The following ANKHD1 variants were observed in gnomAD, a reference collection of about 807,000 sequenced individuals.
The protein encoded by ANKHD1 is ankyrin repeat and KH domain-containing protein 1.
Under a neutral mutation model 230.5 loss-of-function variants are expected in ANKHD1, and 31 were observed. The observed-to-expected ratio is 0.13, with a 90% CI of 0.10 to 0.18. The LOEUF is 0.18. ANKHD1 is among the 10% of genes least tolerant of loss of function. The pLI, the probability that ANKHD1 is intolerant of heterozygous loss-of-function variation, is 1.00. For missense variants in ANKHD1, 2,256 were observed against 3,071.3 expected (o/e 0.73, Z 6.27); for synonymous variants, 1,074 against 1,117.6 (o/e 0.96, Z 0.78).
At chr5:140,470,795 A>G (rs1397772298) in intron 10 of ANKHD1, among the ~76,000 whole-genome samples, 1 of 150,786 alleles carries the variant, frequency 6.6e-6, no homozygotes, top group Admixed American at 6.6e-5. Context: ...CTAATTTTTT[A>G]TTTTTATTTT....
chr5:140,507,173 T>C lies in ANKHD1; in HGVS notation c.3551+196T>C, dbSNP rs1204767431. Among the ~76,000 whole-genome samples, 1 of 152,136 alleles carries C rather than the reference T, an allele frequency of 6.6e-6. No homozygotes were observed. The highest frequency in any genetic ancestry group is 2.4e-5 in the African/African-American group (1 of 41,424). On this transcript the variant is annotated intron_variant, in intron 19 of 33. Coordinates refer to ENST00000360839, the MANE Select transcript of ANKHD1 (RefSeq NM_017747.3). This position sits in a 1 kb window ranked among gnomAD's most constrained non-coding sequence, Gnocchi z 4.1. ...AGTAATGTGGCTGCTTATAAAGAGG[T>C]CTCATTTCAAAAAGTGTTTTGTTCT...
intron 9 of ANKHD1, among the ~76,000 whole-genome samples, chr5:140,462,598 G>A (rs563793587): frequency 8.8e-4 from 134 of 151,722 alleles, no homozygotes; most frequent in African/African-American, 3.0e-3. Context: ...GGTGGTGGAC[G>A]CCTATAGTCC....
At chr5:140,452,826 G>C (rs1774856943) in intron 7 of ANKHD1, among the ~76,000 whole-genome samples, 1 of 152,190 alleles carries the variant, frequency 6.6e-6, no homozygotes. Flanking sequence ...CCCCTCCAAA[G>C]GAACGCAGCT....
At chr5:140,448,474 A>G (rs2126939085) in intron 6 of ANKHD1, among the ~76,000 whole-genome samples, 1 of 152,232 alleles carries the variant, frequency 6.6e-6, no homozygotes, top group Admixed American at 6.5e-5. Context: ...GCCTTCTAGA[A>G]AGGTTCAACC....
intron 10 of ANKHD1, among the ~76,000 whole-genome samples, chr5:140,476,551 C>T (rs1461878917): frequency 1.3e-5 from 2 of 151,982 alleles, no homozygotes; most frequent in Non-Finnish European, 2.9e-5. Flanking sequence ...GAAGTAATAT[C>T]CTCAAAATAC....
At chr5:140,460,811 A>G (rs1476163089) in intron 9 of ANKHD1, among the ~76,000 whole-genome samples, 1 of 152,160 alleles carries the variant, frequency 6.6e-6, no homozygotes, top group Non-Finnish European at 1.5e-5. Context: ...GTGAACTACC[A>G]CACCCGGCCT....
chr5:140,438,738 C>A, intron 3 of ANKHD1, 121 bp downstream of exon 3: 1 of 1,299,258 alleles, frequency 7.7e-7, no homozygotes. Flanking sequence ...AAGGATATTA[C>A]ATTTTAAGTG....
chr5:140,538,313 A>C, intron 32 of ANKHD1, 52 bp downstream of exon 32: 1 of 1,599,112 alleles, frequency 6.3e-7, no homozygotes, highest in African/African-American at 1.3e-5. Flanking sequence ...CAGCCAATGT[A>C]GTCACATTAA....
chr5:140,520,497 T>C (rs1178355083), intron 24 of ANKHD1, among the ~76,000 whole-genome samples: 4 of 151,946 alleles, frequency 2.6e-5, no homozygotes, highest in Non-Finnish European at 4.4e-5. Context: ...TATTGCGGCA[T>C]TATTCACAAT....
At chr5:140,479,295 G>T (rs1247050909) in intron 10 of ANKHD1, among the ~76,000 whole-genome samples, 1 of 152,082 alleles carries the variant, frequency 6.6e-6, no homozygotes, top group African/African-American at 2.4e-5. Flanking sequence ...ACCATGCCCA[G>T]CCGAAATGGA....
intron 8 of ANKHD1, 22 bp from the exon 9 acceptor site, chr5:140,459,142 A>G (rs1321273660): frequency 2.0e-6 from 3 of 1,495,876 alleles, no homozygotes; most frequent in African/African-American, 1.4e-5. Flanking sequence ...AACTAATTTT[A>G]TCTGTTTTTA....
At chr5:140,513,541 G>A (rs567328641) in intron 24 of ANKHD1, 62 bp downstream of exon 24, 174 of 1,543,270 alleles carry the variant, frequency 1.1e-4, no homozygotes, top group Middle Eastern at 8.4e-4. Flanking sequence ...GGGCACGGTG[G>A]CTCACGCCTA....
At chr5:140,413,593 T>C (rs1253110571) in intron 1 of ANKHD1, among the ~76,000 whole-genome samples, 4 of 152,232 alleles carry the variant, frequency 2.6e-5, no homozygotes, top group African/African-American at 7.2e-5. Context: ...GCAGTATTTG[T>C]CCTTCTGTGA....
At chr5:140,419,794 CTTTCTTTCTTTCTTTCTTTCTT>C (rs1771752864) in intron 1 of ANKHD1, among the ~76,000 whole-genome samples, 29 of 137,032 alleles carry the variant, frequency 2.1e-4, no homozygotes, top group East Asian at 6.3e-4. Context: ...TTCTTTCTTT[CTTTCTTTCTTTCTTTCTTTCTT>C]TCTTTCTTTC....
chr5:140,462,990 C>T (rs1376652238), intron 9 of ANKHD1, among the ~76,000 whole-genome samples: 3 of 151,914 alleles, frequency 2.0e-5, no homozygotes. Context: ...GGACTACAGG[C>T]ATACACCACT....
At chr5:140,493,842 C>T (rs1205809629) in intron 14 of ANKHD1, among the ~76,000 whole-genome samples, 1 of 152,116 alleles carries the variant, frequency 6.6e-6, no homozygotes, top group African/African-American at 2.4e-5. Flanking sequence ...ACAAGATAGA[C>T]AGGGCCATTC....
rs146761925 is a variant in ANKHD1 at position 140,526,574 on chromosome 5, A to G, written c.4940+131A>G. ...AAGTCTACCACATTATCTATCTTCA[A>G]TATTCAAAACTGAAATTCACCCATG... is the stretch of plus-strand genomic sequence containing the variant. On this transcript the variant is annotated intron_variant, in intron 26 of 33. Transcript: ENST00000360839. 1.0e-4 allele frequency: 124 copies of G among 1,237,034 alleles called. No individual in the cohort carries two copies. The African/African-American group carries it at 1.2e-3, about 11-fold the overall frequency. 76.6% of individuals were successfully genotyped at this position (1,237,034 alleles called of 1,614,324 possible).
chr5:140,504,259 C>T (rs1752447979), intron 15 of ANKHD1, among the ~76,000 whole-genome samples: 1 of 152,112 alleles, frequency 6.6e-6, no homozygotes, highest in Admixed American at 6.5e-5. Context: ...ACCATGTTGG[C>T]CAGGCTGGTC....
chr5:140,457,979 A>C (rs180729840), intron 7 of ANKHD1, among the ~76,000 whole-genome samples: 4 of 152,308 alleles, frequency 2.6e-5, no homozygotes, highest in Admixed American at 2.6e-4. Context: ...CTGTCTATGC[A>C]GATAGGCCAT....
Sources: gnomAD v4.1 joint callset for allele counts (sites outside exome capture counted in the v4.1 genomes callset) on GRCh38, gnomAD v4.1.1 for gene constraint, Gnocchi (gnomAD v3.1) non-coding constraint, MANE v1.5 for transcripts, NCBI Gene and HGNC (gene_info 2026-07-23, HGNC 2026-07-21) for gene names.